The following LDB2 variants were observed in gnomAD, a reference collection of about 807,000 sequenced individuals.
LDB2 encodes the protein LIM domain-binding protein 2.
In LDB2, 12 loss-of-function variants were observed where a neutral mutation model predicts 44.3. That is an observed-to-expected ratio of 0.27 (90% CI 0.17 to 0.44). LDB2 has a LOEUF of 0.44. Among genes scored for constraint, LDB2 ranks in the 20% least tolerant of loss-of-function variants. LDB2 has a pLI of 1.00. For synonymous variants in LDB2, 164 were observed against 174.8 expected (o/e 0.94, Z 0.49); for missense variants, 344 against 473.5 (o/e 0.73, Z 2.54).
intron 1 of LDB2, among the ~76,000 whole-genome samples, chr4:16,823,395 T>A (rs991864076): frequency 1.3e-5 from 2 of 152,240 alleles, no homozygotes; most frequent in Admixed American, 1.3e-4. Context: ...TTTAACAACA[T>A]CTTGTCTCTG....
chr4:16,780,716 ATT>A (rs113785808), intron 1 of LDB2, among the ~76,000 whole-genome samples: 33 of 145,132 alleles, frequency 2.3e-4, no homozygotes, highest in African/African-American at 5.2e-4. Flanking sequence ...GGGTATTTCA[ATT>A]TTTTTTTTTT....
At position 16,751,428 on chromosome 4, in the gene LDB2, A is replaced by ATGTC. The variant is rs1765478660; in HGVS notation, c.235+7726_235+7729dup. ...TATTTACCAGACATTAGAGAATGGA[A>ATGTC]TGTCTGTTCAAGCCACTGTTATGGC... On this transcript the variant is annotated intron_variant, in intron 2 of 7. Coordinates refer to ENST00000304523, the MANE Select transcript of LDB2 (RefSeq NM_001290.5). Among the ~76,000 whole-genome samples, 9 of 152,298 alleles carry ATGTC rather than the reference A, an allele frequency of 5.9e-5. No individual in the cohort carries two copies. The South Asian group carries it at 1.7e-3, about 28-fold the overall frequency.
At chr4:16,814,469 T>C (rs557476412) in intron 1 of LDB2, among the ~76,000 whole-genome samples, 18 of 152,302 alleles carry the variant, frequency 1.2e-4, no homozygotes, top group African/African-American at 3.8e-4. Flanking sequence ...TGCTGCTAAA[T>C]CCTATCTGCT....
chr4:16,714,491 C>A (rs1214590644), intron 2 of LDB2, among the ~76,000 whole-genome samples: 1 of 152,068 alleles, frequency 6.6e-6, no homozygotes, highest in Non-Finnish European at 1.5e-5. Flanking sequence ...AGCTCTATCA[C>A]CCCTCTGGGA....
intron 2 of LDB2, among the ~76,000 whole-genome samples, chr4:16,598,501 G>C (rs1721657678): frequency 6.6e-6 from 1 of 152,274 alleles, no homozygotes; most frequent in Non-Finnish European, 1.5e-5. Context: ...ACGTGGAGCA[G>C]AGATGAGCTG....
intron 1 of LDB2, among the ~76,000 whole-genome samples, chr4:16,830,551 A>G (rs1783881795): frequency 6.6e-6 from 1 of 152,222 alleles, no homozygotes; most frequent in Non-Finnish European, 1.5e-5. Flanking sequence ...ATCTCACATA[A>G]TTCCCAAGGC....
At chr4:16,740,070 G>T (rs1435379194) in intron 2 of LDB2, among the ~76,000 whole-genome samples, 2 of 151,986 alleles carry the variant, frequency 1.3e-5, no homozygotes, top group South Asian at 2.1e-4. Context: ...CAATCACATG[G>T]TACAATTAAT....
At chr4:16,699,640 G>A (rs540641802) in intron 2 of LDB2, among the ~76,000 whole-genome samples, 3 of 152,184 alleles carry the variant, frequency 2.0e-5, no homozygotes, top group East Asian at 1.9e-4. Flanking sequence ...AATTGTGAGA[G>A]GAATAAGGCA....
At chr4:16,811,641 C>T (rs964547961) in intron 1 of LDB2, among the ~76,000 whole-genome samples, 4 of 152,180 alleles carry the variant, frequency 2.6e-5, no homozygotes, top group East Asian at 3.9e-4. Context: ...CCCCCTTAAA[C>T]ATATTAATTG....
At chr4:16,554,840 T>C (rs1238180016) in intron 5 of LDB2, among the ~76,000 whole-genome samples, 2 of 152,178 alleles carry the variant, frequency 1.3e-5, no homozygotes, top group Non-Finnish European at 2.9e-5. Context: ...ACCACAATGA[T>C]GGATTCATGT....
At chr4:16,599,289 A>C (rs965172729) in intron 2 of LDB2, among the ~76,000 whole-genome samples, 9 of 152,020 alleles carry the variant, frequency 5.9e-5, no homozygotes, top group Admixed American at 1.3e-4. Flanking sequence ...TTGTTTCATC[A>C]TCTAGAGGAT....
At chr4:16,706,251 G>C (rs28657447) in intron 2 of LDB2, among the ~76,000 whole-genome samples, 12,627 of 152,128 alleles carry the variant, frequency 0.083, 835 homozygotes, top group East Asian at 0.41. Context: ...TAACCTTCAA[G>C]GTAATGGTAT....
chr4:16,588,916 C>A, intron 3 of LDB2, 84 bp from the exon 4 acceptor site: 1 of 1,482,036 alleles, frequency 6.7e-7, no homozygotes, highest in South Asian at 1.2e-5. Context: ...TCAGCGTGGT[C>A]TCCCTTTCTG....
At chr4:16,654,980 G>GA (rs549594588) in intron 2 of LDB2, among the ~76,000 whole-genome samples, 32 of 149,352 alleles carry the variant, frequency 2.1e-4, no homozygotes, top group South Asian at 4.2e-4. Flanking sequence ...TACAAAAGCA[G>GA]AAAAAAAAAA....
chr4:16,674,807 A>G (rs1354246993), intron 2 of LDB2, among the ~76,000 whole-genome samples: 1 of 151,764 alleles, frequency 6.6e-6, no homozygotes, highest in Non-Finnish European at 1.5e-5. Flanking sequence ...ACACACACAC[A>G]TATACACAGA....
In LDB2 at chr4:16,814,801, G is replaced by C. The variant is rs144422901; in HGVS notation, c.133-55541C>G. 1.8e-4 allele frequency among the ~76,000 whole-genome samples: 27 copies of C among 152,304 alleles called. No homozygotes were observed. The South Asian group carries it at 3.9e-3, about 22-fold the overall frequency. On this transcript the variant is annotated intron_variant, in intron 1 of 7. Coordinates refer to ENST00000304523, the MANE Select transcript of LDB2 (RefSeq NM_001290.5). ...TAGAATCAGGGGGTACAAAGTGATA[G>C]GCATCAGAAAACAGGCAAATCAGAG...
chr4:16,814,270 G>A (rs950621009), intron 1 of LDB2, among the ~76,000 whole-genome samples: 3 of 152,154 alleles, frequency 2.0e-5, no homozygotes, highest in Admixed American at 6.5e-5. Context: ...AGCTACCCGC[G>A]GAAGCTGAGG....
chr4:16,671,283 T>C (rs1744702050), intron 2 of LDB2, among the ~76,000 whole-genome samples: 2 of 152,166 alleles, frequency 1.3e-5, no homozygotes, highest in Non-Finnish European at 2.9e-5. Context: ...TGCAAATCTC[T>C]ATTCTGGGGT....
intron 1 of LDB2, among the ~76,000 whole-genome samples, chr4:16,875,718 A>T (rs2110383358): frequency 6.6e-6 from 1 of 152,336 alleles, no homozygotes; most frequent in African/African-American, 2.4e-5. Flanking sequence ...GCGAAGAGAC[A>T]TTCCTTTATG....
Sources: allele counts gnomAD v4.1 joint callset (sites outside exome capture counted in the v4.1 genomes callset), GRCh38; gene constraint gnomAD v4.1.1; transcripts MANE v1.5; gene names NCBI Gene and HGNC (gene_info 2026-07-23, HGNC 2026-07-21).